The following UNC13C variants were observed in gnomAD, a reference collection of about 807,000 sequenced individuals.
UNC13C encodes protein unc-13 homolog C.
Under a neutral mutation model 245.4 loss-of-function variants are expected in UNC13C, and 174 were observed. The observed-to-expected ratio is 0.71, with a 90% CI of 0.63 to 0.80. UNC13C has a LOEUF of 0.80. Ranked by LOEUF, UNC13C falls within the 30% of genes least tolerant of loss-of-function variation. UNC13C has a pLI of 0.00. For missense variants in UNC13C, 2,829 were observed against 2,602.9 expected (o/e 1.09, Z -1.89); for synonymous variants, 992 against 895.1 (o/e 1.11, Z -1.93).
chr15:54,339,716 A>G (rs2038683216), intron 17 of UNC13C, among the ~76,000 whole-genome samples: 1 of 151,704 alleles, frequency 6.6e-6, no homozygotes, highest in African/African-American at 2.4e-5. Flanking sequence ...CTGGTTCCAT[A>G]TTTTTAGAAT....
At chr15:54,401,048 T>C (rs1476061673) in intron 18 of UNC13C, among the ~76,000 whole-genome samples, 1 of 152,162 alleles carries the variant, frequency 6.6e-6, no homozygotes, top group Non-Finnish European at 1.5e-5. Flanking sequence ...TTCATTAGAA[T>C]TTTTTGTAAA....
At chr15:54,034,293 C>T (rs546041952) in intron 2 of UNC13C, among the ~76,000 whole-genome samples, 5 of 152,238 alleles carry the variant, frequency 3.3e-5, no homozygotes, top group Admixed American at 6.5e-5. Context: ...TGTTGGGCAC[C>T]GAGCACACAA....
In UNC13C at chr15:54,317,178, T is replaced by C. The variant is rs2038029637; in HGVS notation, c.4269-4761T>C. On this transcript the variant is annotated intron_variant, in intron 13 of 32. Transcript: ENST00000260323. ...TATTTGACTATACATTGAAGTTATTTTTAAAAGAGAAGCTTAAAGTGTGAA... is the reference window on the plus strand; with the variant it reads ...TATTTGACTATACATTGAAGTTATTCTTAAAAGAGAAGCTTAAAGTGTGAA... Among the ~76,000 whole-genome samples, 3 of 151,988 alleles carry C rather than the reference T, an allele frequency of 2.0e-5. No individual in the cohort carries two copies. In the South Asian group the frequency reaches 6.2e-4, roughly 31 times the overall value.
intron 2 of UNC13C, among the ~76,000 whole-genome samples, chr15:54,127,718 T>C (rs2031143562): frequency 7.1e-6 from 1 of 141,544 alleles, no homozygotes; most frequent in African/African-American, 2.6e-5. Context: ...TGTGTATATA[T>C]ATATATAAAA....
At chr15:54,580,723 C>G (rs886418468) in intron 30 of UNC13C, among the ~76,000 whole-genome samples, 5 of 152,228 alleles carry the variant, frequency 3.3e-5, no homozygotes, top group Admixed American at 6.5e-5. Flanking sequence ...TAGATGTGCT[C>G]TGTCTCAGAG....
At chr15:53,858,081 A>C in the UNC13C span, among the ~76,000 whole-genome samples, 96 of 152,276 alleles carry the variant, frequency 6.3e-4, no homozygotes, top group Admixed American at 1.2e-3. Context: ...CTGAAATGAT[A>C]ATTTTAACCT....
intron 2 of UNC13C, among the ~76,000 whole-genome samples, chr15:54,109,795 G>A (rs1217189943): frequency 6.6e-6 from 1 of 152,060 alleles, no homozygotes; most frequent in Non-Finnish European, 1.5e-5. Flanking sequence ...CTGGGGTAGG[G>A]ATGGAGATAT....
chr15:54,403,647 G>A (rs1377847306), intron 18 of UNC13C, among the ~76,000 whole-genome samples: 1 of 140,176 alleles, frequency 7.1e-6, no homozygotes, highest in Non-Finnish European at 1.5e-5. Flanking sequence ...AACCCAGGAG[G>A]CAGAGGCTGC....
intron 1 of UNC13C, among the ~76,000 whole-genome samples, chr15:54,004,729 G>GT (rs1895059540): frequency 6.6e-6 from 1 of 152,158 alleles, no homozygotes; most frequent in South Asian, 2.1e-4. Flanking sequence ...TCTCATTGTA[G>GT]TTTTGAGTTG....
intron 30 of UNC13C, among the ~76,000 whole-genome samples, chr15:54,600,797 T>G (rs1186415363): frequency 6.6e-6 from 1 of 152,074 alleles, no homozygotes; most frequent in Non-Finnish European, 1.5e-5. Context: ...GTTAACTGAG[T>G]GTCCATCATG....
chr15:54,275,652 CTATACCTT>C (rs1283820505), intron 10 of UNC13C, among the ~76,000 whole-genome samples: 3 of 152,098 alleles, frequency 2.0e-5, no homozygotes, highest in Non-Finnish European at 4.4e-5. Context: ...GTTGTCTCCT[CTATACCTT>C]TATCCTGTTG....
At chr15:54,221,075 A>G (rs1315316139) in intron 4 of UNC13C, among the ~76,000 whole-genome samples, 1 of 152,100 alleles carries the variant, frequency 6.6e-6, no homozygotes, top group Non-Finnish European at 1.5e-5. Flanking sequence ...TTAAGAAATA[A>G]GTTAACAATT....
chr15:54,269,256 C>T (rs2036625625), intron 10 of UNC13C, among the ~76,000 whole-genome samples: 1 of 151,884 alleles, frequency 6.6e-6, no homozygotes, highest in Non-Finnish European at 1.5e-5. Flanking sequence ...TGACATATCT[C>T]CATTATATTG....
At chr15:54,369,201 A>C (rs531714) in intron 17 of UNC13C, among the ~76,000 whole-genome samples, 43,221 of 104,266 alleles carry the variant, frequency 0.41, 6,287 homozygotes, top group East Asian at 0.52. Context: ...TCCCCCCCCC[A>C]AAAAAAAAAG....
At chr15:54,213,649 C>G (rs2034953490) in intron 4 of UNC13C, among the ~76,000 whole-genome samples, 1 of 151,956 alleles carries the variant, frequency 6.6e-6, no homozygotes, top group Non-Finnish European at 1.5e-5. Context: ...TATTCTTGAC[C>G]TTAAAGACGC....
intron 2 of UNC13C, among the ~76,000 whole-genome samples, chr15:54,065,702 C>A (rs1225266496): frequency 1.3e-5 from 2 of 152,210 alleles, no homozygotes; most frequent in Admixed American, 6.5e-5. Flanking sequence ...CTCACAAGAA[C>A]TTTTGGGGTC....
At chr15:54,375,940 AC>A (rs2039597846) in intron 17 of UNC13C, among the ~76,000 whole-genome samples, 1 of 152,194 alleles carries the variant, frequency 6.6e-6, no homozygotes, top group Non-Finnish European at 1.5e-5. Context: ...GCAAAAGAAA[AC>A]AAACACCCAT....
chr15:53,936,563 C>T, the UNC13C span, among the ~76,000 whole-genome samples: 2 of 152,216 alleles, frequency 1.3e-5, no homozygotes, highest in Non-Finnish European at 2.9e-5. Context: ...GGTCCCATTC[C>T]TCCTGACTGG....
intron 24 of UNC13C, among the ~76,000 whole-genome samples, chr15:54,513,239 T>G (rs1217686955): frequency 6.6e-6 from 1 of 152,198 alleles, no homozygotes; most frequent in Non-Finnish European, 1.5e-5. Flanking sequence ...GATGAAGAAA[T>G]TATTGATTTC....
Sources: allele counts gnomAD v4.1 joint callset (sites outside exome capture counted in the v4.1 genomes callset), GRCh38; gene constraint gnomAD v4.1.1; transcripts MANE v1.5; gene names NCBI Gene and HGNC (gene_info 2026-07-23, HGNC 2026-07-21).